Variants in ATXN7 observed in about 807,000 individuals in gnomAD.
The protein encoded by ATXN7 is ataxin-7.
ATXN7 carries 12 observed loss-of-function variants against 70.5 expected under a neutral mutation model. That is an observed-to-expected ratio of 0.17 (90% confidence interval 0.11 to 0.28). The LOEUF is 0.28. ATXN7 is among the 10% of genes least tolerant of loss of function. The probability of loss-of-function intolerance (pLI) is 1.00; values close to 1 mark genes in which losing one functional copy is unlikely to be tolerated. For synonymous variants in ATXN7, 498 were observed against 448.7 expected, an observed-to-expected ratio of 1.11 and a Z score of -1.39; for missense variants, 1,256 against 1,131.7, an observed-to-expected ratio of 1.11 and a Z score of -1.58.
chr3:63,956,935 G>A (rs78050074), intron 5 of ATXN7, among the ~76,000 whole-genome samples: 3,695 of 152,272 alleles, frequency 0.024, 145 homozygotes, highest in African/African-American at 0.082. Context: ...TTTTGAGGTG[G>A]GAATCTTAAG....
chr3:64,002,460 T>C lies in ATXN7; in HGVS notation c.*2993T>C, dbSNP rs577378905. ...ATGTAACTAAGTGACACACTGCTTT[T>C]CTTTTGTTAGTATTTTATGTGTGGG... On this transcript the variant is annotated 3_prime_UTR_variant, in exon 13 of 13. Transcript: ENST00000674280. 41 of 152,504 alleles carry C rather than the reference T, an allele frequency of 2.7e-4. No individual in the cohort carries two copies. Among genetic ancestry groups the C allele is most frequent in the African/African-American group, 9.6e-4 (40 of 41,544 alleles). 9.4% of individuals were successfully genotyped at this position (152,504 alleles called of 1,614,324 possible).
intron 4 of ATXN7, among the ~76,000 whole-genome samples, chr3:63,948,891 G>A (rs542768742): frequency 7.9e-5 from 12 of 152,220 alleles, no homozygotes; most frequent in Middle Eastern, 3.4e-3. Context: ...TTTCAAATTC[G>A]TTTAGAATCC....
Position 63,986,527 on chromosome 3 carries a change from C to T in ATXN7, c.1096-1532C>T, listed in dbSNP as rs369217321. Among the ~76,000 whole-genome samples, 4 of 152,134 alleles carry T rather than the reference C, an allele frequency of 2.6e-5. No homozygotes were observed. In the East Asian group the frequency reaches 5.8e-4, roughly 22 times the overall value. The stretch of plus-strand genomic sequence containing the variant: ...GGACCAGTAATATTATATGTTCATT[C>T]GTTCTTTCAACACACGTTGGAGGGC... On this transcript the variant is annotated intron_variant, in intron 8 of 12. Coordinates refer to ENST00000674280, the MANE Select transcript of ATXN7 (RefSeq NM_001377405.1).
At chr3:63,891,516 T>C (rs1312569357) in intron 1 of ATXN7, among the ~76,000 whole-genome samples, 4 of 150,516 alleles carry the variant, frequency 2.7e-5, no homozygotes, top group Admixed American at 2.6e-4. Flanking sequence ...AGAGATGGAG[T>C]CTCGCTGTGT....
intron 4 of ATXN7, among the ~76,000 whole-genome samples, chr3:63,918,277 TA>T (rs1179306764): frequency 1.3e-5 from 2 of 152,110 alleles, no homozygotes; most frequent in Admixed American, 1.3e-4. Flanking sequence ...TTTTCTTTCC[TA>T]GGGGAAAAAA....
At position 63,995,849 on chromosome 3, in the gene ATXN7, C is replaced by G. The variant is rs1450009473; in HGVS notation, c.2027C>G (p.Ser676Cys). 7 of 1,614,082 alleles carry G rather than the reference C, an allele frequency of 4.3e-6. No homozygotes were observed. The Admixed American group carries it at 8.3e-5, about 19-fold the overall frequency. The change falls in exon 12 of 13, where the codon TCC becomes TGC. Residue 676 changes from serine (S) to cysteine (C), a missense_variant. Ser to Cys is a moderately radical substitution (Grantham distance 112). Transcript: ENST00000674280. Reference protein sequence around the residue: ...PMSRKPQKLKSSKSLRPKESS... With the variant: ...PMSRKPQKLKCSKSLRPKESS... ...TCCAGGAAACCTCAGAAATTGAAAT[C>G]CAGCAAATCTTTGAGGCCCAAGGAG...
At chr3:63,927,666 G>A (rs1481932177) in intron 4 of ATXN7, among the ~76,000 whole-genome samples, 1 of 152,020 alleles carries the variant, frequency 6.6e-6, no homozygotes, top group Non-Finnish European at 1.5e-5. Context: ...ACATCACCAG[G>A]GTTTTCTTTC....
chr3:63,924,662 G>A (rs573617554), intron 4 of ATXN7, among the ~76,000 whole-genome samples: 4 of 152,250 alleles, frequency 2.6e-5, no homozygotes, highest in Non-Finnish European at 4.4e-5. Flanking sequence ...CCAGAGAATC[G>A]ATCTCTGGCT....
chr3:63,866,323 T>C (rs886126588), intron 1 of ATXN7, among the ~76,000 whole-genome samples: 1 of 152,224 alleles, frequency 6.6e-6, no homozygotes, highest in East Asian at 1.9e-4. Context: ...TCATCAGGGC[T>C]CACTGCAGCC....
intron 2 of ATXN7, chr3:63,900,659 CCA>C (rs1474003382): frequency 2.0e-5 from 3 of 152,310 alleles, no homozygotes; most frequent in African/African-American, 7.2e-5. Flanking sequence ...TGGCAGAATG[CCA>C]GAGGAGCTCT....
At chr3:63,901,184 AT>A (rs1463777264) in intron 2 of ATXN7, 1 of 152,226 alleles carries the variant, frequency 6.6e-6, no homozygotes, top group African/African-American at 2.4e-5. Context: ...CTTTTAAAAT[AT>A]GTATTCATTG....
intron 12 of ATXN7, chr3:63,997,518 C>A: frequency 1.0e-6 from 1 of 957,548 alleles, no homozygotes; most frequent in South Asian, 1.5e-5. Flanking sequence ...TTTGTCTCGT[C>A]CCAGCTCTTC....
chr3:63,929,807 A>G (rs575906924), intron 4 of ATXN7, among the ~76,000 whole-genome samples: 2 of 152,262 alleles, frequency 1.3e-5, no homozygotes, highest in Non-Finnish European at 2.9e-5. Context: ...CTGTGGCCTT[A>G]CCTGTGTGTG....
intron 1 of ATXN7, among the ~76,000 whole-genome samples, chr3:63,887,496 T>TGATTAG (rs1703125445): frequency 2.0e-5 from 3 of 152,230 alleles, no homozygotes; most frequent in Admixed American, 6.5e-5. Flanking sequence ...AGTGACATCT[T>TGATTAG]GATTAGCACA....
chr3:63,991,007 C>A, intron 11 of ATXN7, 148 bp downstream of exon 11: 2 of 1,149,142 alleles, frequency 1.7e-6, no homozygotes, highest in Non-Finnish European at 2.5e-6. Context: ...GTCATTCATT[C>A]ATTCATTTAC....
intron 5 of ATXN7, among the ~76,000 whole-genome samples, chr3:63,959,185 C>G (rs866341197): frequency 2.6e-5 from 4 of 152,316 alleles, no homozygotes; most frequent in Middle Eastern, 3.4e-3. Flanking sequence ...AACTCCTCCT[C>G]TTTTTGTATG....
chr3:63,978,870 T>C (rs773439925), intron 5 of ATXN7, among the ~76,000 whole-genome samples: 2 of 152,256 alleles, frequency 1.3e-5, no homozygotes, highest in Non-Finnish European at 2.9e-5. Flanking sequence ...AAATAAACCA[T>C]TGAAGTCTTA....
At chr3:63,960,405 C>T (rs1337693281) in intron 5 of ATXN7, among the ~76,000 whole-genome samples, 1 of 152,040 alleles carries the variant, frequency 6.6e-6, no homozygotes, top group African/African-American at 2.4e-5. Context: ...AGGGTTTTGG[C>T]CAGGAAGTGT....
intron 1 of ATXN7, among the ~76,000 whole-genome samples, chr3:63,886,391 A>G (rs1019297626): frequency 2.0e-5 from 3 of 152,186 alleles, no homozygotes; most frequent in Admixed American, 6.5e-5. Flanking sequence ...CTGAGAGTAG[A>G]TCTTAAATGT....
Sources: gnomAD v4.1 joint callset for allele counts (sites outside exome capture counted in the v4.1 genomes callset) on GRCh38, gnomAD v4.1.1 for gene constraint, MANE v1.5 for transcripts, NCBI Gene and HGNC (gene_info 2026-07-23, HGNC 2026-07-21) for gene names.